POLD3: variants seen among roughly 807,000 people sequenced by gnomAD.
POLD3 encodes DNA polymerase delta subunit 3.
POLD3 carries 19 observed loss-of-function variants against 58.2 expected under a neutral mutation model. That is an observed-to-expected ratio of 0.33 (90% CI 0.23 to 0.48). The LOEUF is 0.48. Ranked by LOEUF, POLD3 falls within the 20% of genes least tolerant of loss-of-function variation. The pLI is 0.99. For synonymous variants in POLD3, 172 were observed against 193.5 expected (o/e 0.89, Z 0.92); for missense variants, 504 against 545.5 (o/e 0.92, Z 0.76).
chr11:74,660,373 G>A (rs527690364), intron 4 of POLD3, among the ~76,000 whole-genome samples: 1 of 152,214 alleles, frequency 6.6e-6, no homozygotes, highest in South Asian at 2.1e-4. Context: ...GTTATTATCC[G>A]TTTGAATAAA....
In POLD3 at chr11:74,642,496, A is replaced by T; in HGVS notation, c.*1730A>T. Reference sequence around the variant, plus strand: ...CAATCCAATCTTTTTTCTAAAAATTATGCTGGGGTCTCGACTAAAACTGAA... The same window carrying T: ...CAATCCAATCTTTTTTCTAAAAATTTTGCTGGGGTCTCGACTAAAACTGAA... On this transcript the variant is annotated 3_prime_UTR_variant, in exon 12 of 12. Coordinates refer to ENST00000263681, the MANE Select transcript of POLD3 (RefSeq NM_006591.3). 1.0e-5 allele frequency: 10 copies of T among 985,070 alleles called. No homozygotes were observed. Among genetic ancestry groups the T allele is most frequent in the African/African-American group, 1.7e-5 (1 of 57,360 alleles). 61.0% of individuals were successfully genotyped at this position (985,070 alleles called of 1,614,324 possible). A position where few individuals can be genotyped will look rare whatever the true frequency, so the allele number is the denominator to read the frequency against.
chr11:74,612,907 A>G lies in POLD3; in HGVS notation c.289A>G (p.Ser97Gly). Residue 97 changes from serine to glycine, a missense_variant, in exon 5 of 12, where the codon AGC (serine) becomes GGC (glycine). Ser to Gly is a moderately conservative substitution (Grantham distance 56, BLOSUM62 0). Transcript: ENST00000263681. ...AVKSKLAVTA[S>G]IHVYSIQKAM... ...GAAGTCCAAGCTAGCTGTGACTGCCAGCATCCATGTGTACAGCATCCAGAA... is the reference window on the plus strand; with the variant it reads ...GAAGTCCAAGCTAGCTGTGACTGCCGGCATCCATGTGTACAGCATCCAGAA... The G allele has an allele frequency of 1.2e-6, 2 of 1,613,420 alleles. No homozygotes were observed. The highest frequency in any genetic ancestry group is 1.7e-6 in the Non-Finnish European group (2 of 1,179,574).
chr11:74,611,670 A>G (rs1211245826), intron 4 of POLD3, 132 bp downstream of exon 4: 1 of 611,404 alleles, frequency 1.6e-6, no homozygotes, highest in African/African-American at 2.0e-5. Flanking sequence ...TCATTTTATG[A>G]GTAGTTTTTA....
chr11:74,654,739 T>C (rs944322883), intron 4 of POLD3, among the ~76,000 whole-genome samples: 1 of 152,156 alleles, frequency 6.6e-6, no homozygotes, highest in African/African-American at 2.4e-5. Flanking sequence ...AACCTGCAGC[T>C]TTGCTGTGGG....
intron 4 of POLD3, among the ~76,000 whole-genome samples, chr11:74,662,342 C>T (rs2033215749): frequency 6.6e-6 from 1 of 151,424 alleles, no homozygotes; most frequent in African/African-American, 2.4e-5. Flanking sequence ...CCATGGCGTA[C>T]TACCTGGTTA....
At chr11:74,662,064 G>C (rs960702441) in intron 4 of POLD3, among the ~76,000 whole-genome samples, 3 of 151,306 alleles carry the variant, frequency 2.0e-5, no homozygotes, top group Non-Finnish European at 4.4e-5. Flanking sequence ...CCAGGCCTGG[G>C]ACTCGCCCTT....
At chr11:74,610,921 C>T in intron 3 of POLD3, among the ~76,000 whole-genome samples, 1 of 151,874 alleles carries the variant, frequency 6.6e-6, no homozygotes, top group East Asian at 1.9e-4. Context: ...ATTACAGGTG[C>T]CTGCCACCAT....
chr11:74,655,355 A>G (rs1014219362), intron 4 of POLD3, among the ~76,000 whole-genome samples: 9 of 152,412 alleles, frequency 5.9e-5, no homozygotes, highest in African/African-American at 1.7e-4. Context: ...TAGGCAAGTT[A>G]CTAACAAAAG....
chr11:74,639,277 G>C (rs1444896195), intron 11 of POLD3, among the ~76,000 whole-genome samples: 1 of 152,142 alleles, frequency 6.6e-6, no homozygotes, highest in Non-Finnish European at 1.5e-5. Context: ...AGTAAAGTTT[G>C]AGATGATATC....
chr11:74,660,064 G>T (rs1031476737), intron 4 of POLD3, among the ~76,000 whole-genome samples: 2 of 152,124 alleles, frequency 1.3e-5, no homozygotes, highest in African/African-American at 4.8e-5. Flanking sequence ...ACATGGTTGG[G>T]GAGGCCTCAG....
intron 5 of POLD3, among the ~76,000 whole-genome samples, chr11:74,613,534 G>A (rs560577618): frequency 1.3e-5 from 2 of 152,062 alleles, no homozygotes; most frequent in South Asian, 2.1e-4. Flanking sequence ...TTGTGGCTTT[G>A]CTGCTTAGTA....
At chr11:74,653,685 T>G (rs11236188) in intron 4 of POLD3, among the ~76,000 whole-genome samples, 59,891 of 151,932 alleles carry the variant, frequency 0.39, 13,450 homozygotes, top group Non-Finnish European at 0.51. Flanking sequence ...GACATTAGAC[T>G]TAACCATATC....
At chr11:74,601,328 G>A (rs2031489939) in intron 2 of POLD3, among the ~76,000 whole-genome samples, 1 of 152,122 alleles carries the variant, frequency 6.6e-6, no homozygotes, top group South Asian at 2.1e-4. Flanking sequence ...AACATTAGAG[G>A]GCAAAGAGGA....
At chr11:74,604,531 CT>C (rs35801933) in intron 2 of POLD3, 160 bp from the exon 3 acceptor site, 14,349 of 458,246 alleles carry the variant, frequency 0.031, no homozygotes, top group East Asian at 0.047. Flanking sequence ...GAAGTCCATC[CT>C]TTTTTTTTTT....
chr11:74,646,400 C>A (rs1463375175), downstream of POLD3, among the ~76,000 whole-genome samples: 1 of 152,150 alleles, frequency 6.6e-6, no homozygotes, highest in Non-Finnish European at 1.5e-5. Context: ...CTGCAGCATC[C>A]CTGCCAAGTG....
chr11:74,653,504 T>C (rs912128395), intron 4 of POLD3, among the ~76,000 whole-genome samples: 4 of 152,322 alleles, frequency 2.6e-5, no homozygotes, highest in African/African-American at 4.8e-5. Flanking sequence ...AAGTTAAATA[T>C]GCGTATTGTA....
intron 9 of POLD3, among the ~76,000 whole-genome samples, chr11:74,632,844 C>T (rs1382648782): frequency 6.9e-6 from 1 of 144,232 alleles, no homozygotes. Flanking sequence ...AAATTTAGTT[C>T]AGAAAGTGGT....
intron 2 of POLD3, among the ~76,000 whole-genome samples, chr11:74,598,576 G>T (rs958228323): frequency 5.3e-5 from 8 of 152,176 alleles, no homozygotes; most frequent in African/African-American, 1.9e-4. Flanking sequence ...TGGCATCCCC[G>T]CTGGAAAGTC....
Position 74,612,921 on chromosome 11 carries a change from C to T in POLD3, c.303C>T (p.Tyr101=). 1 of 1,613,354 alleles carries T rather than the reference C, an allele frequency of 6.2e-7. No individual in the cohort carries two copies. The highest frequency in any genetic ancestry group is 1.1e-5 in the South Asian group (1 of 91,048). The part of the protein sequence containing the change: ...KLAVTASIHV[Y]SIQKAMLKDS... ...CTGTGACTGCCAGCATCCATGTGTACAGCATCCAGAAAGCCATGCTAAAGG... is the reference window on the plus strand; with the variant it reads ...CTGTGACTGCCAGCATCCATGTGTATAGCATCCAGAAAGCCATGCTAAAGG... Residue 101 remains tyrosine, a synonymous_variant, in exon 5 of 12, where the codon TAC becomes TAT. Transcript: ENST00000263681.
Sources: allele counts gnomAD v4.1 joint callset (sites outside exome capture counted in the v4.1 genomes callset), GRCh38; gene constraint gnomAD v4.1.1; transcripts MANE v1.5; gene names NCBI Gene and HGNC (gene_info 2026-07-23, HGNC 2026-07-21).